Variants in ZNF792 observed in about 807,000 individuals in gnomAD.
The protein encoded by ZNF792 is zinc finger protein 792.
Under a neutral mutation model 13.1 loss-of-function variants are expected in ZNF792, and 14 were observed. The observed-to-expected ratio is 1.07, with a 90% CI of 0.71 to 1.67. The LOEUF is 1.67. Ranked by LOEUF, ZNF792 falls within the 40% of genes most tolerant of loss-of-function variation. The pLI is 0.00. For synonymous variants in ZNF792, 257 were observed against 292.0 expected (o/e 0.88, Z 1.22); for missense variants, 740 against 807.9 (o/e 0.92, Z 1.02).
Position 34,958,700 on chromosome 19 carries a change from C to T in ZNF792, c.1155G>A (p.Lys385=). The T allele has an allele frequency of 1.2e-6, 2 of 1,614,164 alleles. No individual in the cohort carries two copies. The highest frequency in any genetic ancestry group is 1.7e-6 in the Non-Finnish European group (2 of 1,179,992). The change falls in exon 4 of 4, where the codon AAG becomes AAA. Residue 385 remains lysine, a synonymous_variant. Coordinates refer to ENST00000404801, the MANE Select transcript of ZNF792 (RefSeq NM_175872.5). ...GGGCACTTCTGCCCGTATGAACCCT[C>T]TTATGATGAATGAGGTTGGAACGCT... ...FSQRSNLIHH[K]RVHTGRSAHE... is the part of the protein sequence containing the mutation.
rs1173740173 is a variant in ZNF792 at position 34,956,442 on chromosome 19, T to C, written c.*1514A>G. 1 of 152,132 alleles carries C rather than the reference T, an allele frequency of 6.6e-6. No individual in the cohort carries two copies. Among genetic ancestry groups the C allele is most frequent in the African/African-American group, 2.4e-5 (1 of 41,424 alleles). The allele number at this position is 152,132 out of a possible 1,614,324, so 9.4% of individuals were successfully genotyped here. A position where few individuals can be genotyped will look rare whatever the true frequency, so the allele number is the denominator to read the frequency against. On this transcript the variant is annotated 3_prime_UTR_variant, in exon 4 of 4. Transcript: ENST00000404801. ...TAAAAAATGTAAATCAACGGTTTCC[T>C]AGGGAAGGCAAGGAGGGAATGTAAA... is the stretch of plus-strand genomic sequence containing the variant.
rs934827081 is a variant in ZNF792, at chr19:34,957,527, A to C, written c.*429T>G. 4 of 167,882 alleles carry C rather than the reference A, an allele frequency of 2.4e-5. No individual in the cohort carries two copies. The highest frequency in any genetic ancestry group is 9.6e-5 in the African/African-American group (4 of 41,770). 10.4% of individuals were successfully genotyped at this position (167,882 alleles called of 1,614,324 possible). On this transcript the variant is annotated 3_prime_UTR_variant, in exon 4 of 4. Transcript: ENST00000404801. Reference sequence around the variant, plus strand: ...CCATTATCATCACATGAACCAGGGCAATACACAGGAGATAAGTTGTTGTGT... The same window carrying C: ...CCATTATCATCACATGAACCAGGGCCATACACAGGAGATAAGTTGTTGTGT...
In ZNF792 at chr19:34,958,722, C is replaced by G. The variant is rs144100790; in HGVS notation, c.1133G>C (p.Arg378Pro). The G allele has an allele frequency of 3.7e-6, 6 of 1,614,092 alleles. No individual in the cohort carries two copies. The highest frequency in any genetic ancestry group is 5.1e-6 in the Non-Finnish European group (6 of 1,179,988). ...CCTCTTATGATGAATGAGGTTGGAA[C>G]GCTGGCTGAAGAACTTCCCACAGTC... The part of the protein sequence containing the change: ...CSDCGKFFSQ[R>P]SNLIHHKRVH... Residue 378 changes from arginine (R) to proline (P), a missense_variant, in exon 4 of 4, where the codon CGT becomes CCT. Coordinates refer to ENST00000404801, the MANE Select transcript of ZNF792 (RefSeq NM_175872.5).
chr19:34,958,258 G>A lies in ZNF792; in HGVS notation c.1597C>T (p.Pro533Ser). Residue 533 changes from proline to serine, a missense_variant, in exon 4 of 4, where the codon CCT becomes TCT. Physicochemically the swap from Pro to Ser is moderately conservative, Grantham distance 74. Coordinates refer to ENST00000404801, the MANE Select transcript of ZNF792 (RefSeq NM_175872.5). ...TTCCCACATTCGCTGCACTCATAAG[G>A]CCGCTCGCCGGTGTGAAGTCTCCGG... ...NHRRLHTGER[P>S]YECSECGKTF... 6.2e-7 allele frequency: 1 copy of A among 1,613,988 alleles called. No individual in the cohort carries two copies. Among genetic ancestry groups the A allele is most frequent in the Non-Finnish European group, 8.5e-7 (1 of 1,179,916 alleles).
intron 1 of ZNF792, among the ~76,000 whole-genome samples, 185 bp from the exon 2 acceptor site, chr19:34,961,179 C>T (rs1001213788): frequency 4.6e-5 from 7 of 152,110 alleles, no homozygotes; most frequent in Non-Finnish European, 1.0e-4. Context: ...GAGAGGCACC[C>T]TCTAAGCTCT....
Position 34,959,118 on chromosome 19 carries a change from TCCA to T in ZNF792, c.734_736del (p.Val245del), listed in dbSNP as rs769125563. 2.5e-6 allele frequency: 4 copies of T among 1,613,746 alleles called. No individual in the cohort carries two copies. The highest frequency in any genetic ancestry group is 4.5e-5 in the East Asian group (2 of 44,886). On this transcript the variant is annotated inframe_deletion, in exon 4 of 4. Transcript: ENST00000404801. ...GTTATGCCTTAGTGCAATGTGAAAA[TCCA>T]CCACACCTTCGGTGGCCTCGTGCGG...
chr19:34,963,650 C>T lies in ZNF792; in HGVS notation c.13G>A (p.Ala5Thr). Residue 5 changes from alanine to threonine, a missense_variant, in exon 1 of 4, where the codon GCG (alanine) becomes ACG (threonine). Ala to Thr is a moderately conservative substitution (Grantham distance 58, BLOSUM62 0). Transcript: ENST00000404801. The stretch of plus-strand genomic sequence containing the variant: ...CTCACCTGCGCGGGGTCCCGCAGCG[C>T]CGCCGCTGCCATCGGAGTCTGTGGT... MAAA[A>T]LRDPAQGCVT... 8 of 1,602,584 alleles carry T rather than the reference C, an allele frequency of 5.0e-6. No individual in the cohort carries two copies. Among genetic ancestry groups the T allele is most frequent in the Admixed American group, 1.7e-5 (1 of 58,040 alleles).
chr19:34,958,107 A>C lies in ZNF792; in HGVS notation c.1748T>G (p.Ile583Ser). 1 of 1,613,056 alleles carries C rather than the reference A, an allele frequency of 6.2e-7. No homozygotes were observed. The highest frequency in any genetic ancestry group is 8.5e-7 in the Non-Finnish European group (1 of 1,179,452). Reference protein sequence around the residue: ...QRPTLIRHQKIHIRERSMENV... With the variant: ...QRPTLIRHQKSHIRERSMENV... ...CTCCATGCTCCTTTCTCTGATGTGA[A>C]TCTTCTGATGCCGAATGAGGGTAGG... The change falls in exon 4 of 4, where the codon ATT becomes AGT. Residue 583 changes from isoleucine (I) to serine (S), a missense_variant. Physicochemically the swap from Ile to Ser is moderately radical, Grantham distance 142. Coordinates refer to ENST00000404801, the MANE Select transcript of ZNF792 (RefSeq NM_175872.5).
rs1316463058 is a variant in ZNF792, at chr19:34,960,287, A to G, written c.231T>C (p.Ser77=). The change falls in exon 3 of 4, where the codon AGT becomes AGC. Residue 77 remains serine, a synonymous_variant. Coordinates refer to ENST00000404801, the MANE Select transcript of ZNF792 (RefSeq NM_175872.5). Reference sequence around the variant, plus strand: ...TGGCCATGGCTGATGTCATATCCACACTGTCAGGCACCCAGGGCTCTTTCC... The same window carrying G: ...TGGCCATGGCTGATGTCATATCCACGCTGTCAGGCACCCAGGGCTCTTTCC... ...EMGKEPWVPD[S]VDMTSAMARG... 5 of 1,613,778 alleles carry G rather than the reference A, an allele frequency of 3.1e-6. No homozygotes were observed. Among genetic ancestry groups the G allele is most frequent in the Non-Finnish European group, 4.2e-6 (5 of 1,179,866 alleles).
Position 34,958,075 on chromosome 19 carries a change from GCA to G in ZNF792, c.1778_1779del (p.Val593AlafsTer14). On this transcript the variant is annotated frameshift_variant, in exon 4 of 4. Coordinates refer to ENST00000404801, the MANE Select transcript of ZNF792 (RefSeq NM_175872.5). LOFTEE classifies it low-confidence loss of function (END_TRUNC). ...GGTGTGTGCTGTGAACAGGGAAGGA[GCA>G]CATTCTCCATGCTCCTTTCTCTGAT... The part of the protein sequence containing the change: ...IHIRERSMEN[V>X]LLPCSQHTPE... 6.2e-7 allele frequency: 1 copy of G among 1,612,580 alleles called. No individual in the cohort carries two copies. Among genetic ancestry groups the G allele is most frequent in the Non-Finnish European group, 8.5e-7 (1 of 1,179,266 alleles).
chr19:34,960,862 C>G lies in ZNF792; in HGVS notation c.160+6G>C. 5.6e-6 allele frequency: 9 copies of G among 1,613,988 alleles called. No individual in the cohort carries two copies. Among genetic ancestry groups the G allele is most frequent in the Non-Finnish European group, 7.6e-6 (9 of 1,179,934 alleles). On this transcript the variant is annotated splice_donor_region_variant and intron_variant, in intron 2 of 3. Transcript: ENST00000404801. ...CGGGACACCGGGGTAGGGGTGACAG[C>G]CTTACCCAGCGAGGCTATAAGTGCA... is the stretch of plus-strand genomic sequence containing the variant.
chr19:34,961,335 C>T (rs1487431692), intron 1 of ZNF792, among the ~76,000 whole-genome samples: 3 of 152,166 alleles, frequency 2.0e-5, no homozygotes, highest in East Asian at 1.9e-4. Flanking sequence ...CTCCCTCCCA[C>T]GTGCGTTTCA....
rs1316349810 is a variant in ZNF792, at chr19:34,958,933, T to C, written c.922A>G (p.Lys308Glu). The C allele has an allele frequency of 1.9e-6, 3 of 1,613,926 alleles. No homozygotes were observed. Among genetic ancestry groups the C allele is most frequent in the African/African-American group, 1.3e-5 (1 of 74,944 alleles). The change falls in exon 4 of 4, where the codon AAA (lysine) becomes GAA (glutamate). Residue 308 changes from lysine (K) to glutamate (E), a missense_variant. By Grantham distance (56) the Lys-to-Glu change is moderately conservative. Coordinates refer to ENST00000404801, the MANE Select transcript of ZNF792 (RefSeq NM_175872.5). ...TQHQKVHNRG[K>E]PYECCECGKF... is the part of the protein sequence containing the mutation. Reference sequence around the variant, plus strand: ...CCACATTCACAGCACTCATACGGTTTTCCTCTATTGTGAACTTTCTGGTGT... The same window carrying C: ...CCACATTCACAGCACTCATACGGTTCTCCTCTATTGTGAACTTTCTGGTGT...
In ZNF792 at chr19:34,957,889, C is replaced by T. The variant is rs1463904208; in HGVS notation, c.*67G>A. The T allele has an allele frequency of 4.8e-6, 7 of 1,469,776 alleles. No homozygotes were observed. Among genetic ancestry groups the T allele is most frequent in the South Asian group, 4.3e-5 (3 of 69,870 alleles). 91.0% of individuals were successfully genotyped at this position (1,469,776 alleles called of 1,614,324 possible). A position where few individuals can be genotyped will look rare whatever the true frequency, so the allele number is the denominator to read the frequency against. On this transcript the variant is annotated 3_prime_UTR_variant, in exon 4 of 4. Coordinates refer to ENST00000404801, the MANE Select transcript of ZNF792 (RefSeq NM_175872.5). ...TATCACAACCCCAGCAGTGAAAAAA[C>T]GCTGATAAACTCTACAGTAAGAGAA...
At chr19:34,962,119 CCT>C (rs150943781) in intron 1 of ZNF792, among the ~76,000 whole-genome samples, 2,064 of 152,316 alleles carry the variant, frequency 0.014, 33 homozygotes, top group East Asian at 0.035. Context: ...GCCCCACCTT[CCT>C]CTTTTTTTTA....
At position 34,959,127 on chromosome 19, in the gene ZNF792, C is replaced by T. The variant is rs151214625; in HGVS notation, c.728G>A (p.Gly243Asp). Residue 243 changes from glycine to aspartate, a missense_variant, in exon 4 of 4, where the codon GGT becomes GAT. Coordinates refer to ENST00000404801, the MANE Select transcript of ZNF792 (RefSeq NM_175872.5). The stretch of plus-strand genomic sequence containing the variant: ...TAGTGCAATGTGAAAATCCACCACA[C>T]CTTCGGTGGCCTCGTGCGGCTCCCC... The part of the protein sequence containing the change: ...SDGEPHEATE[G>D]VVDFHIALRH... The T allele has an allele frequency of 4.3e-6, 7 of 1,613,852 alleles. No homozygotes were observed. In the Admixed American group the frequency reaches 1.2e-4, roughly 27 times the overall value.
At position 34,957,481 on chromosome 19, in the gene ZNF792, A is replaced by G. The variant is rs867072227; in HGVS notation, c.*475T>C. 6.4e-6 allele frequency: 1 copy of G among 156,212 alleles called. No individual in the cohort carries two copies. Among genetic ancestry groups the G allele is most frequent in the African/African-American group, 2.4e-5 (1 of 41,528 alleles). The allele number at this position is 156,212 out of a possible 1,614,324, so 9.7% of individuals were successfully genotyped here. A position where few individuals can be genotyped will look rare whatever the true frequency, so the allele number is the denominator to read the frequency against. On this transcript the variant is annotated 3_prime_UTR_variant, in exon 4 of 4. Transcript: ENST00000404801. ...CACAGTGATCAGAACATGGAAGACTAAAGGCGGCTTTATCATAAGGCCATT... is the reference window on the plus strand; with the variant it reads ...CACAGTGATCAGAACATGGAAGACTGAAGGCGGCTTTATCATAAGGCCATT...
rs745535405 is a variant in ZNF792 at position 34,958,976 on chromosome 19, G to GT, written c.878dup (p.Tyr293Ter). The change falls in exon 4 of 4, where the codon TAC (tyrosine) becomes TAAC (stop). Residue 293 changes from tyrosine (Y) to a stop codon, truncating the protein, a stop_gained and frameshift_variant. Transcript: ENST00000404801. LOFTEE classifies it low-confidence loss of function (END_TRUNC). ...TCTGGTGTTGAGTGAGGTCAGCGGC[G>GT]TAAGTGAAGAAGATTCCACATTTGC... Reference protein sequence around the residue: ...ECSKCGIFFTYAADLTQHQKV... With the variant: ...ECSKCGIFFT 9.3e-6 allele frequency: 15 copies of GT among 1,614,002 alleles called. No individual in the cohort carries two copies. The highest frequency in any genetic ancestry group is 1.2e-5 in the Non-Finnish European group (14 of 1,179,972).
rs1349524074 is a variant in ZNF792 at position 34,959,145 on chromosome 19, G to A, written c.710C>T (p.Pro237Leu). 3.7e-5 allele frequency: 59 copies of A among 1,613,574 alleles called. No homozygotes were observed. Among genetic ancestry groups the A allele is most frequent in the Non-Finnish European group, 4.7e-5 (56 of 1,179,646 alleles). ...CACCACACCTTCGGTGGCCTCGTGC[G>A]GCTCCCCATCGCTGGGAGTGACCTC... is the stretch of plus-strand genomic sequence containing the variant. ...QCEVTPSDGE[P>L]HEATEGVVDF... Residue 237 changes from proline (P) to leucine (L), a missense_variant, in exon 4 of 4, where the codon CCG (proline) becomes CTG (leucine). Coordinates refer to ENST00000404801, the MANE Select transcript of ZNF792 (RefSeq NM_175872.5).
Sources: allele counts gnomAD v4.1 joint callset (sites outside exome capture counted in the v4.1 genomes callset), GRCh38; gene constraint gnomAD v4.1.1; transcripts MANE v1.5; gene names NCBI Gene and HGNC (gene_info 2026-07-23, HGNC 2026-07-21).